HMGN5: variants seen among roughly 807,000 people sequenced by gnomAD.
The protein encoded by HMGN5 is high mobility group nucleosome binding domain 5, also known as high mobility group nucleosome-binding domain-containing protein 5.
Under a neutral mutation model 9.5 loss-of-function variants are expected in HMGN5, and 4 were observed. The ratio of observed to expected loss-of-function variants is 0.42; its 90% confidence interval spans 0.21 to 0.96. The LOEUF (loss-of-function observed/expected upper bound fraction) is 0.96. HMGN5 is among the 40% of genes least tolerant of loss of function. The pLI, the probability that HMGN5 is intolerant of heterozygous loss-of-function variation, is 0.30. For missense variants in HMGN5, 192 were observed against 187.5 expected, an observed-to-expected ratio of 1.02 and a Z score of -0.14; for synonymous variants, 55 against 57.1, an observed-to-expected ratio of 0.96 and a Z score of 0.16.
intron 1 of HMGN5, among the ~76,000 whole-genome samples, chrX:81,145,653 A>G (rs182550339): frequency 1.8e-5 from 2 of 112,009 alleles, no homozygotes; most frequent in East Asian, 5.6e-4. Flanking sequence ...ACATAACAAT[A>G]TTAACCTTAA....
chrX:81,181,777 A>G (rs2075463565), intron 1 of HMGN5, among the ~76,000 whole-genome samples: 1 of 112,195 alleles, frequency 8.9e-6, no homozygotes, highest in Non-Finnish European at 1.9e-5. Context: ...AAAGGAAAGG[A>G]TCTCATTCTT....
At chrX:81,115,374 G>T in intron 6 of HMGN5, 144 bp from the exon 7 acceptor site, 1 of 655,544 alleles carries the variant, frequency 1.5e-6, no homozygotes, top group Non-Finnish European at 2.0e-6. Flanking sequence ...AAAGAAGCCT[G>T]CTAAATATCA....
chrX:81,156,718 A>G lies in HMGN5; in HGVS notation c.-123-35046T>C, dbSNP rs777592158. Among the ~76,000 whole-genome samples the G allele has an allele frequency of 5.4e-5, 6 of 111,298 alleles. No individual in the cohort carries two copies. The East Asian group carries it at 1.4e-3, about 26-fold the overall frequency. On this transcript the variant is annotated intron_variant, in intron 1 of 6. Transcript: ENST00000358130. ...GCTCACCACTGTATCCCAAGGGCCT[A>G]TCTCATAGTAAGTTTACAATAATTA...
intron 1 of HMGN5, among the ~76,000 whole-genome samples, chrX:81,200,933 T>A (rs2075524979): frequency 9.0e-6 from 1 of 111,690 alleles, no homozygotes; most frequent in South Asian, 3.8e-4. Flanking sequence ...GGAAAACTAT[T>A]TTTCTGAGTT....
At chrX:81,135,946 G>A (rs180845695) in intron 1 of HMGN5, among the ~76,000 whole-genome samples, 1 of 110,906 alleles carries the variant, frequency 9.0e-6, no homozygotes, top group East Asian at 2.8e-4. Flanking sequence ...GCAAAAACAG[G>A]TTGTGTTATA....
At position 81,113,822 on chromosome X, in the gene HMGN5, A is replaced by AT. The variant is rs2075243865; in HGVS notation, c.*826_*827insA. On this transcript the variant is annotated 3_prime_UTR_variant, in exon 7 of 7. Transcript: ENST00000358130. ...TGGGCGAAAATGGGAAGAGACTGCT[A>AT]ATTGGTGCTTTGTTTCTTATTTGGG... 1 of 112,248 alleles carries AT rather than the reference A, an allele frequency of 8.9e-6. No homozygotes were observed. The allele number at this position is 112,248 out of a possible 1,213,427, so 9.3% of individuals were successfully genotyped here. A position where few individuals can be genotyped will look rare whatever the true frequency, so the allele number is the denominator to read the frequency against.
chrX:81,126,355 C>G (rs1230100893), intron 1 of HMGN5, among the ~76,000 whole-genome samples: 2 of 110,975 alleles, frequency 1.8e-5, no homozygotes, highest in Admixed American at 1.9e-4. Context: ...TCAGATATAT[C>G]TTTTTACTGA....
Position 81,115,250 on chromosome X carries a change from A to G in HMGN5, c.268-20T>C. ...TGGTGCCTGTAAGTATAGTGAAAAG[A>G]AAAACAAGATTCTGTCTGTAAATTT... is the stretch of plus-strand genomic sequence containing the variant. On this transcript the variant is annotated intron_variant, in intron 6 of 6. Coordinates refer to ENST00000358130, the MANE Select transcript of HMGN5 (RefSeq NM_030763.3). The G allele has an allele frequency of 8.8e-7, 1 of 1,131,559 alleles. No individual in the cohort carries two copies. The highest frequency in any genetic ancestry group is 1.2e-6 in the Non-Finnish European group (1 of 862,002). The allele number at this position is 1,131,559 out of a possible 1,213,427, so 93.3% of individuals were successfully genotyped here.
At chrX:81,128,498 A>G (rs1273349021) in intron 1 of HMGN5, among the ~76,000 whole-genome samples, 1 of 111,428 alleles carries the variant, frequency 9.0e-6, no homozygotes, top group African/African-American at 3.3e-5. Context: ...AGTCTACTTC[A>G]TATACAGACA....
intron 1 of HMGN5, among the ~76,000 whole-genome samples, chrX:81,145,282 C>T (rs1226779539): frequency 8.9e-6 from 1 of 111,861 alleles, no homozygotes; most frequent in Non-Finnish European, 1.9e-5. Context: ...ACAAGGGGAA[C>T]CCATCACACT....
intron 1 of HMGN5, among the ~76,000 whole-genome samples, chrX:81,138,734 T>A (rs1298625986): frequency 9.0e-6 from 1 of 111,121 alleles, no homozygotes; most frequent in Non-Finnish European, 1.9e-5. Context: ...ACATAGAAAA[T>A]CCATTGAAGT....
chrX:81,194,965 A>G (rs1016794866), intron 1 of HMGN5, among the ~76,000 whole-genome samples: 2 of 112,272 alleles, frequency 1.8e-5, no homozygotes, highest in African/African-American at 6.5e-5. Context: ...GGAGGTGTTC[A>G]TAAGTAATTT....
In HMGN5 at chrX:81,168,971, T is replaced by C. The variant is rs7878649; in HGVS notation, c.-124+32766A>G. On this transcript the variant is annotated intron_variant, in intron 1 of 6. Coordinates refer to ENST00000358130, the MANE Select transcript of HMGN5 (RefSeq NM_030763.3). ...AGAAATGAGATTGGAGTGGTTGTCATCATAAGTAAGGGAGTCTGCCTACCC... is the reference window on the plus strand; with the variant it reads ...AGAAATGAGATTGGAGTGGTTGTCACCATAAGTAAGGGAGTCTGCCTACCC... Among the ~76,000 whole-genome samples, 529 of 110,868 alleles carry C rather than the reference T, an allele frequency of 4.8e-3. 4 individuals carry two copies. The highest frequency in any genetic ancestry group is 0.017 in the African/African-American group (508 of 30,472).
rs180834889 is a variant in HMGN5 at position 81,157,846 on chromosome X, C to T, written c.-123-36174G>A. On this transcript the variant is annotated intron_variant, in intron 1 of 6. Coordinates refer to ENST00000358130, the MANE Select transcript of HMGN5 (RefSeq NM_030763.3). ...CCAGGCTGGAGTGCAGTGGCGCAAT[C>T]TCGGCTCACTGCAAGCTCTGCCTCC... Among the ~76,000 whole-genome samples the T allele has an allele frequency of 8.5e-3, 935 of 110,228 alleles. 11 individuals are homozygous for T. The highest frequency in any genetic ancestry group is 0.03 in the African/African-American group (901 of 30,214).
chrX:81,155,943 G>T (rs757052259), intron 1 of HMGN5, among the ~76,000 whole-genome samples: 1 of 111,558 alleles, frequency 9.0e-6, no homozygotes, highest in Non-Finnish European at 1.9e-5. Flanking sequence ...TGTGAACAAG[G>T]TCAGAGGATT....
At chrX:81,127,198 T>A (rs1159305198) in intron 1 of HMGN5, among the ~76,000 whole-genome samples, 1 of 112,072 alleles carries the variant, frequency 8.9e-6, no homozygotes, top group East Asian at 2.8e-4. Flanking sequence ...GGCCTTAATG[T>A]TCAGGCTTTT....
intron 1 of HMGN5, among the ~76,000 whole-genome samples, chrX:81,169,378 A>AAG (rs1452541833): frequency 8.9e-6 from 1 of 111,920 alleles, no homozygotes; most frequent in African/African-American, 3.3e-5. Flanking sequence ...TTATACATGG[A>AAG]AGAGTATAAT....
chrX:81,152,233 A>T (rs2075365233), intron 1 of HMGN5, among the ~76,000 whole-genome samples: 1 of 111,888 alleles, frequency 8.9e-6, no homozygotes, highest in African/African-American at 3.3e-5. Flanking sequence ...GAAAATTTTC[A>T]CAACCGACTC....
intron 1 of HMGN5, among the ~76,000 whole-genome samples, chrX:81,155,431 A>C (rs2147567226): frequency 9.1e-6 from 1 of 109,492 alleles, no homozygotes; most frequent in Admixed American, 9.9e-5. Flanking sequence ...GGAGAGTTAA[A>C]ACTTATGTTC....
Sources: allele counts gnomAD v4.1 joint callset (sites outside exome capture counted in the v4.1 genomes callset), GRCh38; gene constraint gnomAD v4.1.1; transcripts MANE v1.5; gene names NCBI Gene and HGNC (gene_info 2026-07-23, HGNC 2026-07-21).